Variants in DDAH1 observed in about 807,000 individuals in gnomAD.
DDAH1 encodes N(G),N(G)-dimethylarginine dimethylaminohydrolase 1.
Under a neutral mutation model 28.8 loss-of-function variants are expected in DDAH1, and 19 were observed. That is an observed-to-expected ratio of 0.66 (90% CI 0.46 to 0.97). DDAH1 has a LOEUF of 0.97. Among genes scored for constraint, DDAH1 ranks in the 50% least tolerant of loss-of-function variants. The pLI, the probability that DDAH1 is intolerant of heterozygous loss-of-function variation, is 0.00. For synonymous variants in DDAH1, 153 were observed against 154.4 expected, an observed-to-expected ratio of 0.99 and a Z score of 0.07; for missense variants, 326 against 375.9, an observed-to-expected ratio of 0.87 and a Z score of 1.10.
intron 2 of DDAH1, among the ~76,000 whole-genome samples, chr1:85,478,465 A>C (rs1557675379): frequency 6.6e-6 from 1 of 152,228 alleles, no homozygotes; most frequent in African/African-American, 2.4e-5. Flanking sequence ...AAGGAGGAGC[A>C]AAGTTATATC....
chr1:85,362,688 C>T (rs1287784472), intron 1 of DDAH1, among the ~76,000 whole-genome samples: 3 of 152,170 alleles, frequency 2.0e-5, no homozygotes, highest in Admixed American at 1.3e-4. Context: ...AGTGCTTTCT[C>T]TCTAACAGGG....
chr1:85,363,054 C>T (rs1426299106), intron 1 of DDAH1, among the ~76,000 whole-genome samples: 1 of 152,178 alleles, frequency 6.6e-6, no homozygotes, highest in Non-Finnish European at 1.5e-5. Context: ...CTTGTTATAG[C>T]ACTGTTAGTT....
At chr1:85,348,931 C>G (rs1045726233) in intron 4 of DDAH1, among the ~76,000 whole-genome samples, 3 of 152,184 alleles carry the variant, frequency 2.0e-5, no homozygotes, top group Non-Finnish European at 4.4e-5. Context: ...GAAGTTCTTT[C>G]TGCTAATACA....
chr1:85,344,558 C>CCCTTCCCTCCCTTCAT (rs72384632), intron 4 of DDAH1, among the ~76,000 whole-genome samples: 4 of 151,350 alleles, frequency 2.6e-5, no homozygotes, highest in Admixed American at 2.0e-4. Flanking sequence ...CTCCCTCTCT[C>CCCTTCCCTCCCTTCAT]CCTTCCCTCC....
chr1:85,443,296 T>C (rs1025355973), intron 1 of DDAH1, among the ~76,000 whole-genome samples: 33 of 152,222 alleles, frequency 2.2e-4, no homozygotes, highest in African/African-American at 8.0e-4. Context: ...CCTTTCCCCA[T>C]TTCTTATGTT....
At chr1:85,543,642 G>C (rs1202095781) in intron 1 of DDAH1, among the ~76,000 whole-genome samples, 1 of 152,148 alleles carries the variant, frequency 6.6e-6, no homozygotes, top group Non-Finnish European at 1.5e-5. Context: ...GGCAGGCATA[G>C]CTATTCTGTC....
chr1:85,506,327 G>T (rs1164300992), intron 1 of DDAH1, among the ~76,000 whole-genome samples: 2 of 152,232 alleles, frequency 1.3e-5, no homozygotes, highest in African/African-American at 2.4e-5. Context: ...AGTCCCATGG[G>T]TTATCACAGA....
intron 1 of DDAH1, among the ~76,000 whole-genome samples, chr1:85,418,058 T>C (rs1181391870): frequency 6.6e-6 from 1 of 152,238 alleles, no homozygotes; most frequent in East Asian, 1.9e-4. Flanking sequence ...TGACCAAATC[T>C]ACAGAGCTCT....
intron 1 of DDAH1, among the ~76,000 whole-genome samples, chr1:85,366,502 G>A (rs1650084506): frequency 6.6e-6 from 1 of 152,050 alleles, no homozygotes; most frequent in African/African-American, 2.4e-5. Flanking sequence ...GTAAACGGAG[G>A]GCACAAAGCT....
intron 1 of DDAH1, among the ~76,000 whole-genome samples, chr1:85,499,543 C>A (rs1467896350): frequency 2.0e-5 from 3 of 152,058 alleles, no homozygotes; most frequent in African/African-American, 7.2e-5. Flanking sequence ...GGTGTGGTGG[C>A]ACATGCCTGT....
intron 1 of DDAH1, among the ~76,000 whole-genome samples, chr1:85,442,363 C>CT: frequency 6.6e-6 from 1 of 152,194 alleles, no homozygotes; most frequent in East Asian, 1.9e-4. Context: ...TGAACTCATC[C>CT]TTTTTTATGG....
chr1:85,563,465 G>A (rs567666375), intron 1 of DDAH1, among the ~76,000 whole-genome samples: 2 of 152,174 alleles, frequency 1.3e-5, no homozygotes, highest in Non-Finnish European at 2.9e-5. Context: ...CAGTCCTGGG[G>A]ACAAATCAGC....
chr1:85,439,617 A>G (rs903548355), intron 1 of DDAH1, among the ~76,000 whole-genome samples: 1 of 152,224 alleles, frequency 6.6e-6, no homozygotes, highest in Admixed American at 6.5e-5. Context: ...AATTTTAATC[A>G]TCTAGTTACT....
At chr1:85,492,169 CTG>C (rs1173627254) in intron 2 of DDAH1, among the ~76,000 whole-genome samples, 1 of 152,122 alleles carries the variant, frequency 6.6e-6, no homozygotes, top group Non-Finnish European at 1.5e-5. Flanking sequence ...TTGTCTGAGT[CTG>C]TGTTCTTTTG....
At position 85,465,158 on chromosome 1, in the gene DDAH1, G is replaced by A. The variant is rs1655318359; in HGVS notation, c.-113C>T. ...CGGCTCCTCTTGGCAGCCGCTGAAT[G>A]TGGTGCAGAAGGAGCCCAGCTCGCG... is the stretch of plus-strand genomic sequence containing the variant. On this transcript the variant is annotated 5_prime_UTR_variant, in exon 1 of 6. Transcript: ENST00000284031. The A allele has an allele frequency of 8.7e-7, 1 of 1,154,678 alleles. No individual in the cohort carries two copies. The highest frequency in any genetic ancestry group is 1.1e-6 in the Non-Finnish European group (1 of 939,288). The allele number at this position is 1,154,678 out of a possible 1,614,324, so 71.5% of individuals were successfully genotyped here.
At chr1:85,406,579 A>T in intron 1 of DDAH1, among the ~76,000 whole-genome samples, 1 of 152,240 alleles carries the variant, frequency 6.6e-6, no homozygotes, top group Non-Finnish European at 1.5e-5. Flanking sequence ...TTAATTTTTT[A>T]ATTAACAAAA....
intron 2 of DDAH1, among the ~76,000 whole-genome samples, chr1:85,481,098 GTTTT>G (rs71075839): frequency 8.8e-6 from 1 of 113,460 alleles, no homozygotes; most frequent in Admixed American, 9.9e-5. Context: ...TGGGTTTTTT[GTTTT>G]TTTTTTTTTT....
In DDAH1 at chr1:85,464,984, A is replaced by T; in HGVS notation, c.62T>A (p.Leu21Gln). 6.9e-7 allele frequency: 1 copy of T among 1,440,378 alleles called. No homozygotes were observed. The highest frequency in any genetic ancestry group is 9.1e-7 in the Non-Finnish European group (1 of 1,099,034). 89.2% of individuals were successfully genotyped at this position (1,440,378 alleles called of 1,614,324 possible). Residue 21 changes from leucine to glutamine, a missense_variant, in exon 1 of 6, where the codon CTA becomes CAA. Transcript: ENST00000284031. The surrounding 1 kb of genome is among the most constrained non-coding windows in gnomAD (Gnocchi z 4.4). ...CGCGTGCTGGCCGAGCGACTCGGGT[A>T]GCGCCCGCACCACGGCGTGGGTGGC... ...GRATHAVVRA[L>Q]PESLGQHALR... is the part of the protein sequence containing the mutation.
At chr1:85,444,203 T>C (rs935287245) in intron 1 of DDAH1, among the ~76,000 whole-genome samples, 1 of 152,192 alleles carries the variant, frequency 6.6e-6, no homozygotes, top group Non-Finnish European at 1.5e-5. Flanking sequence ...ATACCTAATT[T>C]ATTGAGAGTT....
Sources: allele counts gnomAD v4.1 joint callset (sites outside exome capture counted in the v4.1 genomes callset), GRCh38; gene constraint gnomAD v4.1.1; non-coding constraint Gnocchi (gnomAD v3.1); transcripts MANE v1.5; gene names NCBI Gene and HGNC (gene_info 2026-07-23, HGNC 2026-07-21).